The following ROBO2 variants were observed in gnomAD, a reference collection of about 807,000 sequenced individuals.
ROBO2 encodes the protein roundabout guidance receptor 2.
Under a neutral mutation model 160.8 loss-of-function variants are expected in ROBO2, and 53 were observed. The observed-to-expected ratio is 0.33, with a 90% CI of 0.26 to 0.41. ROBO2 has a LOEUF of 0.41. Among genes scored for constraint, ROBO2 ranks in the 10% least tolerant of loss-of-function variants. The pLI is 1.00. For missense variants in ROBO2, 1,577 were observed against 1,722.4 expected, an observed-to-expected ratio of 0.92 and a Z score of 1.49; for synonymous variants, 664 against 611.7, an observed-to-expected ratio of 1.09 and a Z score of -1.26.
At chr3:76,721,928 AGGG>A (rs1188464502) in intron 2 of ROBO2, among the ~76,000 whole-genome samples, 2 of 152,176 alleles carry the variant, frequency 1.3e-5, no homozygotes, top group African/African-American at 4.8e-5. Context: ...TTCATTGCCA[AGGG>A]GGTAGAGTTG....
At chr3:76,647,971 C>A (rs1050778686) in intron 2 of ROBO2, among the ~76,000 whole-genome samples, 2 of 151,978 alleles carry the variant, frequency 1.3e-5, no homozygotes, top group African/African-American at 2.4e-5. Context: ...TACAGCAAGG[C>A]CAGCCATAAA....
At chr3:76,782,263 A>G (rs2062695567) in intron 2 of ROBO2, among the ~76,000 whole-genome samples, 1 of 150,682 alleles carries the variant, frequency 6.6e-6, no homozygotes, top group Non-Finnish European at 1.5e-5. Flanking sequence ...TTGATATTTT[A>G]ATCTTTCGAA....
At chr3:76,210,830 A>G (rs979824354) in intron 2 of ROBO2, among the ~76,000 whole-genome samples, 2 of 152,122 alleles carry the variant, frequency 1.3e-5, no homozygotes, top group African/African-American at 4.8e-5. Context: ...ATTTATCGAC[A>G]TTCAGGGTTA....
At chr3:76,640,876 T>G (rs2109688376) in intron 2 of ROBO2, among the ~76,000 whole-genome samples, 1 of 152,220 alleles carries the variant, frequency 6.6e-6, no homozygotes, top group Non-Finnish European at 1.5e-5. Flanking sequence ...AGAGCCAACC[T>G]GAGGGAGTGC....
chr3:76,281,348 A>G lies in ROBO2; in HGVS notation c.109+343746A>G, dbSNP rs1442532997. Among the ~76,000 whole-genome samples, 3 of 151,970 alleles carry G rather than the reference A, an allele frequency of 2.0e-5. No homozygotes were observed. In the Admixed American group the frequency reaches 2.0e-4, roughly 10 times the overall value. On this transcript the variant is annotated intron_variant, in intron 2 of 26. Transcript: ENST00000487694. Reference sequence around the variant, plus strand: ...TATTATTCTGCAACTATATGGGTATATGCATGTTTTTGAGTGAAATTTTAA... The same window carrying G: ...TATTATTCTGCAACTATATGGGTATGTGCATGTTTTTGAGTGAAATTTTAA...
chr3:77,648,630 T>C (rs1211457312), exon 26 of ROBO2: 1 of 152,164 alleles, frequency 6.6e-6, no homozygotes, highest in Non-Finnish European at 1.5e-5. Context: ...GAGGGCAAGA[T>C]AAAATGCTGT....
chr3:76,675,512 A>G (rs187342367), intron 2 of ROBO2, among the ~76,000 whole-genome samples: 1 of 152,286 alleles, frequency 6.6e-6, no homozygotes, highest in East Asian at 1.9e-4. Flanking sequence ...GGGTTCATGA[A>G]TGCTTTGAAG....
chr3:77,172,353 A>G (rs926905199), intron 2 of ROBO2, among the ~76,000 whole-genome samples: 15 of 152,148 alleles, frequency 9.9e-5, no homozygotes, highest in Non-Finnish European at 2.1e-4. Context: ...CATGACTTAC[A>G]TCAGATGTAT....
rs1575929045 is a variant in ROBO2 at position 76,681,899 on chromosome 3, A to G, written c.110-416115A>G. On this transcript the variant is annotated intron_variant, in intron 2 of 26. Coordinates refer to the ROBO2 transcript ENST00000487694. Reference sequence around the variant, plus strand: ...TATTTGAAGTCTTGTATTACATGGAAAGACCCTGGATTTCATTTGAAATAA... The same window carrying G: ...TATTTGAAGTCTTGTATTACATGGAGAGACCCTGGATTTCATTTGAAATAA... Among the ~76,000 whole-genome samples the G allele has an allele frequency of 4.6e-5, 7 of 152,262 alleles. 2 individuals carry two copies. Among genetic ancestry groups the G allele is most frequent in the Admixed American group, 4.6e-4 (7 of 15,268 alleles).
At chr3:77,551,377 C>G (rs1348676694) in intron 8 of ROBO2, among the ~76,000 whole-genome samples, 1 of 151,956 alleles carries the variant, frequency 6.6e-6, no homozygotes, top group Non-Finnish European at 1.5e-5. Context: ...TTAATATTAT[C>G]AGAGATGAGA....
At position 77,546,355 on chromosome 3, in the gene ROBO2, G is replaced by T. The variant is rs368780825; in HGVS notation, c.952G>T (p.Val318Phe). ...AATTATAGCTCCCCCACAGTTTGTG[G>T]TTCGGCCAAGAGATCAGATTGTTGC... The change falls in exon 7 of 26, where the codon GTT (valine) becomes TTT (phenylalanine). Residue 318 changes from valine (V) to phenylalanine (F), a missense_variant. Coordinates refer to ENST00000461745, the Ensembl canonical transcript of ROBO2. The T allele has an allele frequency of 2.5e-6, 4 of 1,612,874 alleles. No homozygotes were observed. The African/African-American group carries it at 5.3e-5, about 22-fold the overall frequency.
intron 2 of ROBO2, among the ~76,000 whole-genome samples, chr3:76,233,683 G>A (rs1704761302): frequency 2.0e-5 from 3 of 152,172 alleles, no homozygotes; most frequent in Admixed American, 2.0e-4. Flanking sequence ...ATTCAAGCAC[G>A]TCATTTCTTC....
chr3:76,697,501 G>A lies in ROBO2; in HGVS notation c.110-400513G>A, dbSNP rs113315656. On this transcript the variant is annotated intron_variant, in intron 2 of 26. Coordinates refer to the ROBO2 transcript ENST00000487694. ...TGTACAAAAATGAAATAAAGAATTA[G>A]CCGGGCATGGTGCCGCATGCCTGTG... Among the ~76,000 whole-genome samples the A allele has an allele frequency of 7.9e-3, 1,208 of 152,156 alleles. 17 individuals are homozygous for A. Among genetic ancestry groups the A allele is most frequent in the African/African-American group, 0.028 (1,163 of 41,520 alleles).
At chr3:77,370,753 G>T (rs2071629922) in intron 2 of ROBO2, among the ~76,000 whole-genome samples, 1 of 56,200 alleles carries the variant, frequency 1.8e-5, no homozygotes, top group Admixed American at 2.5e-4. Flanking sequence ...AAAGGCAAGT[G>T]TCAGTGTCCA....
chr3:76,948,910 T>TATATATATC (rs1559750252), intron 2 of ROBO2, among the ~76,000 whole-genome samples: 1 of 19,636 alleles, frequency 5.1e-5, no homozygotes, highest in Admixed American at 8.6e-4. Flanking sequence ...ATATATATAT[T>TATATATATC]TTTTTTTTTT....
At chr3:77,326,506 G>A (rs373982988) in intron 2 of ROBO2, among the ~76,000 whole-genome samples, 11 of 152,174 alleles carry the variant, frequency 7.2e-5, no homozygotes, top group African/African-American at 2.6e-4. Context: ...TTTATATTTT[G>A]TATATCCATT....
At chr3:77,041,340 C>T (rs576419724) in intron 1 of ROBO2, among the ~76,000 whole-genome samples, 1 of 152,232 alleles carries the variant, frequency 6.6e-6, no homozygotes, top group African/African-American at 2.4e-5. Flanking sequence ...GCTCTCCTAG[C>T]GTTAAATCGA....
In ROBO2 at chr3:77,200,952, A is replaced by G. The variant is rs563892524; in HGVS notation, c.388+102612A>G. Among the ~76,000 whole-genome samples the G allele has an allele frequency of 3.9e-5, 6 of 152,240 alleles. No individual in the cohort carries two copies. The East Asian group carries it at 9.7e-4, about 25-fold the overall frequency. ...ACAGTAGCACAAGTCTTTTGGCTGA[A>G]AGGATTATATATAATTCGAATGCAA... is the stretch of plus-strand genomic sequence containing the variant. On this transcript the variant is annotated intron_variant, in intron 2 of 25. Coordinates refer to ENST00000461745, the Ensembl canonical transcript of ROBO2.
intron 2 of ROBO2, among the ~76,000 whole-genome samples, chr3:77,323,923 T>A (rs552021296): frequency 6.6e-6 from 1 of 152,322 alleles, no homozygotes; most frequent in South Asian, 2.1e-4. Flanking sequence ...AGTACTTTTT[T>A]TAGGTCAATT....
Sources: allele counts gnomAD v4.1 joint callset (sites outside exome capture counted in the v4.1 genomes callset), GRCh38; gene constraint gnomAD v4.1.1; transcripts MANE v1.5; gene names NCBI Gene and HGNC (gene_info 2026-07-23, HGNC 2026-07-21).